Variants in LRRIQ1 observed in about 807,000 individuals in gnomAD.
The protein encoded by LRRIQ1 is leucine-rich repeat- and IQ domain-containing protein 1.
A neutral mutation model predicts 211.9 loss-of-function variants in LRRIQ1; 210 were observed. The observed-to-expected ratio is 0.99, with a 90% CI of 0.89 to 1.11. The LOEUF (loss-of-function observed/expected upper bound fraction) is 1.11, where lower values mean the gene tolerates loss of function less well. LRRIQ1 is among the 50% of genes most tolerant of loss of function. The pLI is 0.00. For missense variants in LRRIQ1, 2,136 were observed against 1,939.5 expected (o/e 1.10, Z -1.90); for synonymous variants, 699 against 650.1 (o/e 1.08, Z -1.14).
chr12:85,207,545 T>C (rs909793531), intron 24 of LRRIQ1, among the ~76,000 whole-genome samples: 2 of 152,192 alleles, frequency 1.3e-5, no homozygotes, highest in Non-Finnish European at 2.9e-5. Flanking sequence ...GAATTATCAA[T>C]CATTTTTTTC....
At chr12:85,160,376 A>G (rs1044846094) in intron 23 of LRRIQ1, among the ~76,000 whole-genome samples, 3 of 152,030 alleles carry the variant, frequency 2.0e-5, no homozygotes, top group Non-Finnish European at 4.4e-5. Flanking sequence ...TTAGATGGAA[A>G]AGTAGAGTAT....
At chr12:85,083,969 T>C (rs1884562575) in intron 11 of LRRIQ1, among the ~76,000 whole-genome samples, 1 of 152,190 alleles carries the variant, frequency 6.6e-6, no homozygotes, top group Non-Finnish European at 1.5e-5. Flanking sequence ...TAAGAGATAC[T>C]TGAAAGCAGA....
At chr12:85,233,265 T>A (rs972628354) in intron 26 of LRRIQ1, among the ~76,000 whole-genome samples, 2 of 152,020 alleles carry the variant, frequency 1.3e-5, no homozygotes, top group Non-Finnish European at 2.9e-5. Context: ...GTATGTGCAT[T>A]GCTAAAGTCA....
intron 8 of LRRIQ1, 54 bp downstream of exon 8, chr12:85,057,238 A>AC: frequency 8.3e-7 from 1 of 1,207,390 alleles, no homozygotes; most frequent in Non-Finnish European, 1.1e-6. Flanking sequence ...AGCTCTTTAA[A>AC]GTATAACTTT....
rs376173121 is a variant in LRRIQ1 at position 85,040,738 on chromosome 12, T to A, written c.244+137T>A. ...ATACATTTAGTGTATTTCTAATATA[T>A]CTACAGTATATTGGACTGTTGGGTT... On this transcript the variant is annotated intron_variant, in intron 3 of 26. Coordinates refer to ENST00000393217, the MANE Select transcript of LRRIQ1 (RefSeq NM_001079910.2). The A allele has an allele frequency of 8.7e-6, 4 of 460,874 alleles. No individual in the cohort carries two copies. The East Asian group carries it at 1.3e-4, about 15-fold the overall frequency. 28.5% of individuals were successfully genotyped at this position (460,874 alleles called of 1,614,324 possible).
chr12:85,089,259 AT>A (rs1194145522), intron 11 of LRRIQ1, among the ~76,000 whole-genome samples: 1 of 152,142 alleles, frequency 6.6e-6, no homozygotes, highest in East Asian at 1.9e-4. Flanking sequence ...TTATTTCTTT[AT>A]AGCAGTGTAA....
At chr12:85,217,297 A>G (rs543658920) in intron 24 of LRRIQ1, among the ~76,000 whole-genome samples, 2 of 150,972 alleles carry the variant, frequency 1.3e-5, no homozygotes, top group African/African-American at 2.4e-5. Flanking sequence ...TCAAGCTTCT[A>G]TCACTAACAT....
intron 15 of LRRIQ1, among the ~76,000 whole-genome samples, chr12:85,111,617 T>C (rs1310203751): frequency 1.3e-5 from 2 of 152,122 alleles, no homozygotes; most frequent in Non-Finnish European, 2.9e-5. Flanking sequence ...AACTATTGTT[T>C]TTAGTGAGCA....
chr12:85,064,625 TA>T (rs1882231232), intron 8 of LRRIQ1, among the ~76,000 whole-genome samples: 1 of 151,506 alleles, frequency 6.6e-6, no homozygotes, highest in Admixed American at 6.6e-5. Flanking sequence ...TTTCCCCAAT[TA>T]AAAAAATATA....
chr12:85,142,092 T>C (rs189083901), intron 19 of LRRIQ1, among the ~76,000 whole-genome samples: 2 of 151,578 alleles, frequency 1.3e-5, no homozygotes, highest in East Asian at 3.9e-4. Flanking sequence ...GAATTCTAGT[T>C]AGGCTTTCAA....
chr12:85,266,758 G>C (rs1446896671), downstream of LRRIQ1, among the ~76,000 whole-genome samples: 1 of 152,160 alleles, frequency 6.6e-6, no homozygotes, highest in Non-Finnish European at 1.5e-5. Flanking sequence ...TGGGAGGTTA[G>C]AGTGAGTGAG....
Position 85,057,198 on chromosome 12 carries a change from T to C in LRRIQ1, c.2391+14T>C. On this transcript the variant is annotated intron_variant, in intron 8 of 26. Coordinates refer to ENST00000393217, the MANE Select transcript of LRRIQ1 (RefSeq NM_001079910.2). Reference sequence around the variant, plus strand: ...ACTTTACAGCAGGTATTTCTAATTTTATAATAATTTTTCACATTTAATTAC... The same window carrying C: ...ACTTTACAGCAGGTATTTCTAATTTCATAATAATTTTTCACATTTAATTAC... 1 of 1,378,846 alleles carries C rather than the reference T, an allele frequency of 7.3e-7. No homozygotes were observed. Among genetic ancestry groups the C allele is most frequent in the Non-Finnish European group, 9.6e-7 (1 of 1,039,668 alleles). 85.4% of individuals were successfully genotyped at this position (1,378,846 alleles called of 1,614,324 possible). A position where few individuals can be genotyped will look rare whatever the true frequency, so the allele number is the denominator to read the frequency against.
At chr12:85,063,977 G>T (rs116913864) in intron 8 of LRRIQ1, among the ~76,000 whole-genome samples, 205 of 151,776 alleles carry the variant, frequency 1.4e-3, no homozygotes, top group Non-Finnish European at 2.5e-3. Context: ...TGACTGTTGT[G>T]CAGAGTACTG....
intron 24 of LRRIQ1, among the ~76,000 whole-genome samples, chr12:85,199,195 T>A (rs965811704): frequency 6.6e-6 from 1 of 152,300 alleles, no homozygotes; most frequent in Middle Eastern, 3.4e-3. Flanking sequence ...CCAGGTCCCA[T>A]GTGCCAGATG....
Position 85,245,072 on chromosome 12 carries a change from GAT to G in LRRIQ1, c.*135_*136del, listed in dbSNP as rs1565926414. The G allele has an allele frequency of 7.5e-7, 1 of 1,325,906 alleles. No individual in the cohort carries two copies. The highest frequency in any genetic ancestry group is 3.3e-5 in the Admixed American group (1 of 30,656). 82.1% of individuals were successfully genotyped at this position (1,325,906 alleles called of 1,614,324 possible). ...TTTCTTTCTTTAAATATCCTCTTTT[GAT>G]ATAAACAAAATTAAATTATTTCTAA... On this transcript the variant is annotated 3_prime_UTR_variant, in exon 27 of 27. Coordinates refer to ENST00000393217, the MANE Select transcript of LRRIQ1 (RefSeq NM_001079910.2).
chr12:85,039,966 T>C (rs1878668726), intron 2 of LRRIQ1, among the ~76,000 whole-genome samples: 1 of 151,602 alleles, frequency 6.6e-6, no homozygotes, highest in African/African-American at 2.4e-5. Flanking sequence ...TATTTAGCTA[T>C]TTAGAAAATT....
intron 24 of LRRIQ1, among the ~76,000 whole-genome samples, chr12:85,215,710 A>G (rs1894046595): frequency 6.6e-6 from 1 of 152,174 alleles, no homozygotes; most frequent in Non-Finnish European, 1.5e-5. Flanking sequence ...TAATAGTCCC[A>G]AACTGGAAAC....
chr12:85,162,082 TAAAAC>T (rs1454032336), intron 24 of LRRIQ1, among the ~76,000 whole-genome samples: 1 of 151,732 alleles, frequency 6.6e-6, no homozygotes, highest in African/African-American at 2.4e-5. Context: ...GAAAGATAAA[TAAAAC>T]AAGTGTGGGA....
intron 24 of LRRIQ1, among the ~76,000 whole-genome samples, chr12:85,213,002 TAAACTC>T (rs1373845967): frequency 1.3e-5 from 2 of 151,262 alleles, no homozygotes; most frequent in Non-Finnish European, 3.0e-5. Flanking sequence ...ATTGTGTACT[TAAACTC>T]AAAATATAAG....
Sources: gnomAD v4.1 joint callset for allele counts (sites outside exome capture counted in the v4.1 genomes callset) on GRCh38, gnomAD v4.1.1 for gene constraint, MANE v1.5 for transcripts, NCBI Gene and HGNC (gene_info 2026-07-23, HGNC 2026-07-21) for gene names.